Variants in RGS6 observed in about 807,000 individuals in gnomAD.
RGS6 encodes the protein regulator of G protein signaling 6.
Under a neutral mutation model 78.5 loss-of-function variants are expected in RGS6, and 30 were observed. That is an observed-to-expected ratio of 0.38 (90% CI 0.29 to 0.52). The LOEUF (loss-of-function observed/expected upper bound fraction) is 0.52, where lower values mean the gene tolerates loss of function less well. Among genes scored for constraint, RGS6 ranks in the 20% least tolerant of loss-of-function variants. The pLI is 0.85. For synonymous variants in RGS6, 206 were observed against 206.0 expected (o/e 1.00, Z 0.00); for missense variants, 495 against 609.7 (o/e 0.81, Z 1.98).
intron 2 of RGS6, among the ~76,000 whole-genome samples, chr14:72,217,555 T>A (rs921366590): frequency 3.9e-5 from 6 of 151,938 alleles, no homozygotes; most frequent in African/African-American, 1.4e-4. Flanking sequence ...TTTTCTAATT[T>A]AAAAAAAAGT....
rs78575866 is a variant in RGS6, at chr14:72,541,054, G to A, written c.1422+960G>A. 503 of 1,338,382 alleles carry A rather than the reference G, an allele frequency of 3.8e-4. 1 individual carries two copies. In the East Asian group the frequency reaches 0.013, roughly 35 times the overall value. 82.9% of individuals were successfully genotyped at this position (1,338,382 alleles called of 1,614,324 possible). A position where few individuals can be genotyped will look rare whatever the true frequency, so the allele number is the denominator to read the frequency against. On this transcript the variant is annotated intron_variant, in intron 17 of 17. Coordinates refer to ENST00000553525, the MANE Select transcript of RGS6 (RefSeq NM_001204424.2). The stretch of plus-strand genomic sequence containing the variant: ...CAGTGCACAAGAAATACTCAATCCC[G>A]CTCAATCACGGGGCCCATCCTGTAC...
intron 2 of RGS6, among the ~76,000 whole-genome samples, chr14:72,167,234 A>G (rs2096940531): frequency 6.6e-6 from 1 of 152,214 alleles, no homozygotes; most frequent in Non-Finnish European, 1.5e-5. Flanking sequence ...CTCAGCTCCT[A>G]GCTGACTGTG....
At chr14:72,461,067 T>C (rs17116069) in intron 6 of RGS6, among the ~76,000 whole-genome samples, 1,625 of 152,060 alleles carry the variant, frequency 0.011, 56 homozygotes, top group East Asian at 0.095. Context: ...CCCTAACCAA[T>C]GTGATAAGTG....
Position 72,246,121 on chromosome 14 carries a change from A to G in RGS6, c.85-105974A>G, listed in dbSNP as rs550475281. On this transcript the variant is annotated intron_variant, in intron 2 of 17. Transcript: ENST00000553525. ...GTGATGTAATATTCCTCCCCAGAAA[A>G]TCCTTTTGTTGGTAAGTTACAAACA... is the stretch of plus-strand genomic sequence containing the variant. Among the ~76,000 whole-genome samples, 12 of 152,244 alleles carry G rather than the reference A, an allele frequency of 7.9e-5. No homozygotes were observed. In the South Asian group the frequency reaches 2.5e-3, roughly 32 times the overall value.
rs534002140 is a variant in RGS6 at position 72,395,413 on chromosome 14, C to G, written c.184+43219C>G. ...ATAAAAATGGAATCATACTCTAATG[C>G]CATTTTTAATTTAAAAAATACATAT... On this transcript the variant is annotated intron_variant, in intron 3 of 17. Coordinates refer to ENST00000553525, the MANE Select transcript of RGS6 (RefSeq NM_001204424.2). Among the ~76,000 whole-genome samples, 9 of 152,070 alleles carry G rather than the reference C, an allele frequency of 5.9e-5. No homozygotes were observed. The South Asian group carries it at 1.9e-3, about 32-fold the overall frequency.
rs1186337703 is a variant in RGS6 at position 72,489,151 on chromosome 14, AG to A, written c.855-5996del. Among the ~76,000 whole-genome samples the A allele has an allele frequency of 9.3e-4, 123 of 131,848 alleles. 1 individual carries two copies. Among genetic ancestry groups the A allele is most frequent in the African/African-American group, 1.9e-3 (66 of 34,262 alleles). The allele number at this position is 131,848 out of a possible 152,430, so 86.5% of individuals were successfully genotyped here. ...CAGGGCAGATGTCCTGGGAGGACAAAGGGGGCCCCCCCACCGGCTGTTTGCT... is the reference window on the plus strand; with the variant it reads ...CAGGGCAGATGTCCTGGGAGGACAAAGGGGCCCCCCCACCGGCTGTTTGCT... On this transcript the variant is annotated intron_variant, in intron 12 of 17. Transcript: ENST00000553525.
At chr14:72,414,500 A>G (rs1269605298) in intron 3 of RGS6, among the ~76,000 whole-genome samples, 3 of 151,972 alleles carry the variant, frequency 2.0e-5, no homozygotes, top group East Asian at 1.9e-4. Flanking sequence ...CTTCTTTGCC[A>G]TTGGTTCGAA....
the RGS6 span, among the ~76,000 whole-genome samples, chr14:72,582,450 G>A: frequency 6.6e-6 from 1 of 152,202 alleles, no homozygotes; most frequent in East Asian, 1.9e-4. Context: ...GGAAAAGGCT[G>A]TAAATTACCC....
chr14:71,883,616 A>C, the RGS6 span, among the ~76,000 whole-genome samples: 1 of 152,224 alleles, frequency 6.6e-6, no homozygotes, highest in African/African-American at 2.4e-5. Flanking sequence ...TCGCAGGATG[A>C]GAGAGGAGGT....
At chr14:72,262,942 G>A (rs959027602) in intron 2 of RGS6, among the ~76,000 whole-genome samples, 1 of 152,006 alleles carries the variant, frequency 6.6e-6, no homozygotes, top group African/African-American at 2.4e-5. Context: ...GATTACCTGG[G>A]GCAGCTCCAG....
chr14:72,598,267 T>C, the RGS6 span, among the ~76,000 whole-genome samples: 1 of 152,204 alleles, frequency 6.6e-6, no homozygotes, highest in Non-Finnish European at 1.5e-5. Flanking sequence ...TCTTCAGCTC[T>C]ATTTCCAAGA....
At chr14:72,378,247 T>A (rs1273560453) in intron 3 of RGS6, among the ~76,000 whole-genome samples, 1 of 151,674 alleles carries the variant, frequency 6.6e-6, no homozygotes, top group South Asian at 2.1e-4. Flanking sequence ...AATTCCTAGG[T>A]TGAAAAACTA....
chr14:72,498,673 C>T (rs2096676827), intron 13 of RGS6, among the ~76,000 whole-genome samples: 1 of 152,042 alleles, frequency 6.6e-6, no homozygotes, highest in Non-Finnish European at 1.5e-5. Flanking sequence ...ATGGTATGGG[C>T]CAATGGTTCT....
intron 17 of RGS6, among the ~76,000 whole-genome samples, chr14:72,549,865 C>G (rs1019350716): frequency 2.6e-5 from 4 of 152,104 alleles, no homozygotes; most frequent in Non-Finnish European, 5.9e-5. Flanking sequence ...CCATCCCCAT[C>G]CCACAAAAAA....
At chr14:72,501,387 T>C (rs1433566363) in intron 13 of RGS6, among the ~76,000 whole-genome samples, 2 of 135,192 alleles carry the variant, frequency 1.5e-5, no homozygotes, top group African/African-American at 3.7e-5. Context: ...AAGAAAGTTA[T>C]ATTCAGAGGG....
the RGS6 span, among the ~76,000 whole-genome samples, chr14:71,909,234 T>TA: frequency 6.6e-6 from 1 of 152,182 alleles, no homozygotes; most frequent in African/African-American, 2.4e-5. Context: ...TACTCTGTAA[T>TA]AGAGTAGTTT....
At chr14:72,104,782 G>A (rs2095599457) in intron 2 of RGS6, among the ~76,000 whole-genome samples, 1 of 152,178 alleles carries the variant, frequency 6.6e-6, no homozygotes, top group South Asian at 2.1e-4. Context: ...TTACTGTGCA[G>A]GTAACTCACC....
intron 2 of RGS6, among the ~76,000 whole-genome samples, chr14:71,965,183 A>G (rs2093437831): frequency 2.0e-5 from 3 of 152,338 alleles, no homozygotes; most frequent in African/African-American, 7.2e-5. Context: ...TATGAACTGA[A>G]AGTTCTTCAG....
At chr14:72,575,910 G>GC in the RGS6 span, among the ~76,000 whole-genome samples, 1 of 152,190 alleles carries the variant, frequency 6.6e-6, no homozygotes, top group Non-Finnish European at 1.5e-5. Flanking sequence ...CCTCGTTCTG[G>GC]CCTGGCATCC....
Sources: allele counts gnomAD v4.1 joint callset (sites outside exome capture counted in the v4.1 genomes callset), GRCh38; gene constraint gnomAD v4.1.1; transcripts MANE v1.5; gene names NCBI Gene and HGNC (gene_info 2026-07-23, HGNC 2026-07-21).